The following TMEM131L variants were observed in gnomAD, a reference collection of about 807,000 sequenced individuals.
The protein encoded by TMEM131L is transmembrane 131 like, also known as transmembrane protein 131-like.
Under a neutral mutation model 192.2 loss-of-function variants are expected in TMEM131L, and 54 were observed. That is an observed-to-expected ratio of 0.28 (90% CI 0.23 to 0.35). The LOEUF is 0.35. Ranked by LOEUF, TMEM131L falls within the 10% of genes least tolerant of loss-of-function variation. The pLI is 1.00. For synonymous variants in TMEM131L, 701 were observed against 704.9 expected, an observed-to-expected ratio of 0.99 and a Z score of 0.09; for missense variants, 1,888 against 1,972.9, an observed-to-expected ratio of 0.96 and a Z score of 0.82.
intron 2 of TMEM131L, among the ~76,000 whole-genome samples, chr4:153,473,529 C>T (rs1488375598): frequency 6.6e-6 from 1 of 152,174 alleles, no homozygotes; most frequent in African/African-American, 2.4e-5. Context: ...CACAGTGGCT[C>T]ACGCCTGTAA....
chr4:153,601,441 T>A (rs1163192345), intron 21 of TMEM131L, among the ~76,000 whole-genome samples: 1 of 152,028 alleles, frequency 6.6e-6, no homozygotes, highest in African/African-American at 2.4e-5. Flanking sequence ...GTCAGAGGAT[T>A]GTTGGAGTCC....
chr4:153,528,448 A>G (rs1369114246), intron 3 of TMEM131L, among the ~76,000 whole-genome samples: 4 of 152,346 alleles, frequency 2.6e-5, no homozygotes, highest in Non-Finnish European at 4.4e-5. Flanking sequence ...TAATGCAGAT[A>G]AACCATTCCC....
At chr4:153,622,587 G>C (rs991322280) in intron 28 of TMEM131L, among the ~76,000 whole-genome samples, 1 of 152,246 alleles carries the variant, frequency 6.6e-6, no homozygotes, top group South Asian at 2.1e-4. Flanking sequence ...TGGTGCAATA[G>C]AGTAGCCTCA....
intron 3 of TMEM131L, among the ~76,000 whole-genome samples, chr4:153,484,975 T>C (rs1180411320): frequency 1.3e-5 from 2 of 149,098 alleles, no homozygotes; most frequent in East Asian, 2.0e-4. Context: ...AAAAATTAGC[T>C]GGGCGTGGTG....
At chr4:153,498,870 G>A (rs1037211704) in intron 3 of TMEM131L, among the ~76,000 whole-genome samples, 7 of 152,120 alleles carry the variant, frequency 4.6e-5, no homozygotes. Context: ...TATCAACTTA[G>A]AGCTTTTGCC....
At chr4:153,557,225 C>A (rs542727721) in intron 6 of TMEM131L, 143 bp downstream of exon 6, 3 of 612,138 alleles carry the variant, frequency 4.9e-6, no homozygotes, top group African/African-American at 1.9e-5. Flanking sequence ...ATGTTAAAAT[C>A]ATCAGCATTC....
chr4:153,492,835 T>C (rs1471112991), intron 3 of TMEM131L, among the ~76,000 whole-genome samples: 1 of 152,042 alleles, frequency 6.6e-6, no homozygotes, highest in Non-Finnish European at 1.5e-5. Context: ...GTGGAAAGAA[T>C]AGACTGGAAA....
chr4:153,595,844 G>T (rs776682961), intron 19 of TMEM131L, among the ~76,000 whole-genome samples: 1 of 152,064 alleles, frequency 6.6e-6, no homozygotes. Context: ...TCAGTATAAA[G>T]AATTTATATA....
At chr4:153,496,897 G>A (rs1733212862) in intron 3 of TMEM131L, among the ~76,000 whole-genome samples, 1 of 151,258 alleles carries the variant, frequency 6.6e-6, no homozygotes, top group African/African-American at 2.4e-5. Flanking sequence ...GTCTCATTAT[G>A]TGGCCTAGGC....
At position 153,614,184 on chromosome 4, in the gene TMEM131L, C is replaced by T. The variant is rs530636156; in HGVS notation, c.3567+1784C>T. ...AATTGGGTGCAGTTAGGGAGCCATC[C>T]GACTTGGAAGAAGCTACCTTTGGGG... On this transcript the variant is annotated intron_variant, in intron 26 of 34. Transcript: ENST00000409959. 4.6e-5 allele frequency among the ~76,000 whole-genome samples: 7 copies of T among 152,244 alleles called. No homozygotes were observed. The East Asian group carries it at 9.7e-4, about 21-fold the overall frequency.
At chr4:153,539,453 G>A (rs1345096430) in intron 3 of TMEM131L, among the ~76,000 whole-genome samples, 1 of 148,560 alleles carries the variant, frequency 6.7e-6, no homozygotes, top group Non-Finnish European at 1.5e-5. Flanking sequence ...AAAGGTTTCT[G>A]CTGCATTCCG....
chr4:153,558,372 A>G lies in TMEM131L; in HGVS notation c.660+4A>G. On this transcript the variant is annotated splice_donor_region_variant and intron_variant, in intron 7 of 34. Coordinates refer to ENST00000409959, the MANE Select transcript of TMEM131L (RefSeq NM_001131007.2). ...CATTCAGCTGTCTCAAATGCAGGTCATTTTAATAGATTTACTTTGAATGCT... is the reference window on the plus strand; with the variant it reads ...CATTCAGCTGTCTCAAATGCAGGTCGTTTTAATAGATTTACTTTGAATGCT... 2 of 1,544,772 alleles carry G rather than the reference A, an allele frequency of 1.3e-6. No homozygotes were observed. Among genetic ancestry groups the G allele is most frequent in the South Asian group, 2.3e-5 (2 of 86,922 alleles).
At chr4:153,626,454 G>A (rs7695821) in intron 30 of TMEM131L, among the ~76,000 whole-genome samples, 22,631 of 152,110 alleles carry the variant, frequency 0.15, 3,646 homozygotes, top group African/African-American at 0.4. Context: ...TAGCCACGTT[G>A]GAAAATACCT....
chr4:153,578,901 A>G (rs1341343098), intron 7 of TMEM131L, among the ~76,000 whole-genome samples: 1 of 151,588 alleles, frequency 6.6e-6, no homozygotes, highest in African/African-American at 2.4e-5. Context: ...CAGATGATCC[A>G]CCCACCTCGG....
chr4:153,532,445 T>TAA (rs111602283), intron 3 of TMEM131L, among the ~76,000 whole-genome samples: 40 of 148,274 alleles, frequency 2.7e-4, no homozygotes, highest in South Asian at 1.1e-3. Flanking sequence ...TGCTTTTTTT[T>TAA]TAAAAAAAAA....
rs191298617 is a variant in TMEM131L, at chr4:153,635,600, C to T, written c.4557+29C>T. 9.3e-6 allele frequency: 15 copies of T among 1,612,462 alleles called. No individual in the cohort carries two copies. In the African/African-American group the frequency reaches 1.5e-4, roughly 16 times the overall value. ...AGTGTTGCCCATCCTGTGCCGTGAA[C>T]CCCTGGGCAGCTCTGAATTGTTTCC... On this transcript the variant is annotated intron_variant, in intron 34 of 34. Coordinates refer to ENST00000409959, the MANE Select transcript of TMEM131L (RefSeq NM_001131007.2).
At chr4:153,550,006 G>A in intron 3 of TMEM131L, 67 bp from the exon 4 acceptor site, 1 of 717,802 alleles carries the variant, frequency 1.4e-6, no homozygotes, top group Non-Finnish European at 2.3e-6. Context: ...ATTAGTCTAA[G>A]TACGTTATAT....
intron 7 of TMEM131L, among the ~76,000 whole-genome samples, chr4:153,576,391 A>C (rs1233109959): frequency 6.6e-6 from 1 of 152,258 alleles, no homozygotes; most frequent in Non-Finnish European, 1.5e-5. Context: ...GTCCTACAAC[A>C]AAAGAAACAA....
chr4:153,611,360 A>C (rs1732599538), intron 25 of TMEM131L, among the ~76,000 whole-genome samples: 1 of 152,232 alleles, frequency 6.6e-6, no homozygotes, highest in African/African-American at 2.4e-5. Context: ...AGCTTAAGAG[A>C]CTTAACTTTG....
Sources: gnomAD v4.1 joint callset for allele counts (sites outside exome capture counted in the v4.1 genomes callset) on GRCh38, gnomAD v4.1.1 for gene constraint, MANE v1.5 for transcripts, NCBI Gene and HGNC (gene_info 2026-07-23, HGNC 2026-07-21) for gene names.